Variants in COL8A2 observed in about 807,000 individuals in gnomAD.
The protein encoded by COL8A2 is collagen alpha-2(VIII) chain.
COL8A2 carries 16 observed loss-of-function variants against 24.0 expected under a neutral mutation model. The ratio of observed to expected loss-of-function variants is 0.67; its 90% CI spans 0.45 to 1.01. The LOEUF is 1.01. COL8A2 is among the 50% of genes least tolerant of loss of function. The pLI, the probability that COL8A2 is intolerant of heterozygous loss-of-function variation, is 0.00. For missense variants in COL8A2, 818 were observed against 942.4 expected, an observed-to-expected ratio of 0.87 and a Z score of 1.73; for synonymous variants, 466 against 424.5, an observed-to-expected ratio of 1.10 and a Z score of -1.20.
chr1:36,097,548 C>T lies in COL8A2; in HGVS notation c.*21G>A. 6.4e-7 allele frequency: 1 copy of T among 1,567,242 alleles called. No individual in the cohort carries two copies. Among genetic ancestry groups the T allele is most frequent in the South Asian group, 1.1e-5 (1 of 88,500 alleles). Reference sequence around the variant, plus strand: ...ACCACTAAAGGGGAGGAGGCCAGGGCAGCAGGACCCCCCCCGCGGGTTATG... The same window carrying T: ...ACCACTAAAGGGGAGGAGGCCAGGGTAGCAGGACCCCCCCCGCGGGTTATG... On this transcript the variant is annotated 3_prime_UTR_variant, in exon 4 of 4. Coordinates refer to ENST00000397799, the MANE Select transcript of COL8A2 (RefSeq NM_005202.4).
chr1:36,098,567 G>A lies in COL8A2; in HGVS notation c.1114C>T (p.Arg372Cys), dbSNP rs780318859. ...LPGSAGLPGR[R>C]GPPGPKGEAG... Reference sequence around the variant, plus strand: ...TCACCCTTAGGCCCAGGGGGCCCACGTCTGCCAGGAAGCCCTGCAGACCCA... The same window carrying A: ...TCACCCTTAGGCCCAGGGGGCCCACATCTGCCAGGAAGCCCTGCAGACCCA... Residue 372 changes from arginine to cysteine, a missense_variant, in exon 4 of 4, where the codon CGT (arginine) becomes TGT (cysteine). Arg to Cys is a radical substitution (Grantham distance 180). Around this residue, in one of 3 missense-constraint regions of COL8A2, gnomAD observed 573 missense variants for 616.8 expected, o/e 0.93. Transcript: ENST00000397799. 3.7e-5 allele frequency: 60 copies of A among 1,606,716 alleles called. No individual in the cohort carries two copies. Among genetic ancestry groups the A allele is most frequent in the East Asian group, 4.5e-5 (2 of 44,418 alleles).
At position 36,115,348 on chromosome 1, in the gene COL8A2, C is replaced by T. The variant is rs1033691715; in HGVS notation, c.-17+360G>A. The stretch of plus-strand genomic sequence containing the variant: ...GCCTGCCAAGATTCCTGGGCCTCTG[C>T]GGCTACCCTGCGTGGTGGCGGCAGC... On this transcript the variant is annotated intron_variant, in intron 2 of 3. Transcript: ENST00000397799. The surrounding 1 kb of genome is among the most constrained non-coding windows in gnomAD (Gnocchi z 5.7). 6.6e-6 allele frequency among the ~76,000 whole-genome samples: 1 copy of T among 152,158 alleles called. No individual in the cohort carries two copies.
At chr1:36,109,926 T>G (rs2124094547) in intron 2 of COL8A2, among the ~76,000 whole-genome samples, 1 of 103,566 alleles carries the variant, frequency 9.7e-6, no homozygotes, top group East Asian at 3.3e-4. Context: ...ATTCCTTTAC[T>G]TCCTTTTTTT....
At chr1:36,109,016 C>T (rs434119) in intron 2 of COL8A2, among the ~76,000 whole-genome samples, 2 of 152,248 alleles carry the variant, frequency 1.3e-5, no homozygotes, top group African/African-American at 2.4e-5. Context: ...CAGGCACCCG[C>T]TAGGTTCCCA....
In COL8A2 at chr1:36,110,592, C is replaced by T. The variant is rs555433294; in HGVS notation, c.-17+5116G>A. On this transcript the variant is annotated intron_variant, in intron 2 of 3. Coordinates refer to ENST00000397799, the MANE Select transcript of COL8A2 (RefSeq NM_005202.4). ...GGAGCCTCCACCTCCTGAGTGTAAG[C>T]ATTTCTCCTGCATCAGCCTCCCGTG... Among the ~76,000 whole-genome samples, 5 of 152,238 alleles carry T rather than the reference C, an allele frequency of 3.3e-5. No individual in the cohort carries two copies. The South Asian group carries it at 8.3e-4, about 25-fold the overall frequency.
intron 2 of COL8A2, among the ~76,000 whole-genome samples, chr1:36,111,507 C>G (rs1643839759): frequency 6.6e-6 from 1 of 152,038 alleles, no homozygotes; most frequent in Non-Finnish European, 1.5e-5. Context: ...ACTCCATCAC[C>G]GAGGACTCCC....
chr1:36,098,305 C>G lies in COL8A2; in HGVS notation c.1376G>C (p.Arg459Thr). 1.3e-6 allele frequency: 2 copies of G among 1,547,826 alleles called. No individual in the cohort carries two copies. Among genetic ancestry groups the G allele is most frequent in the Non-Finnish European group, 1.7e-6 (2 of 1,146,336 alleles). ...DLGLPGQPGL[R>T]GPSGIPGLQG... is the part of the protein sequence containing the mutation. The stretch of plus-strand genomic sequence containing the variant: ...GAGTCCTGGGATTCCTGAGGGACCC[C>G]TCAGGCCAGGCTGCCCAGGGAGCCC... The change falls in exon 4 of 4, where the codon AGG (arginine) becomes ACG (threonine). Residue 459 changes from arginine (R) to threonine (T), a missense_variant. Arg to Thr is a moderately conservative substitution (Grantham distance 71). This residue lies in a region of COL8A2 where 573 missense variants were observed against 616.8 expected (regional missense o/e 0.93). Transcript: ENST00000397799.
intron 2 of COL8A2, among the ~76,000 whole-genome samples, chr1:36,107,563 G>C (rs1338983467): frequency 6.6e-6 from 1 of 152,204 alleles, no homozygotes; most frequent in Non-Finnish European, 1.5e-5. Flanking sequence ...CTGGCTCTCA[G>C]AGCTGGAACC....
chr1:36,111,184 A>G (rs1175253236), intron 2 of COL8A2, among the ~76,000 whole-genome samples: 1 of 151,314 alleles, frequency 6.6e-6, no homozygotes, highest in Non-Finnish European at 1.5e-5. Context: ...CTCCATCCAT[A>G]TGTCCACACG....
chr1:36,099,266 G>A lies in COL8A2; in HGVS notation c.415C>T (p.Gln139Ter), dbSNP rs1234249090. The A allele has an allele frequency of 1.3e-6, 2 of 1,551,362 alleles. No individual in the cohort carries two copies. Among genetic ancestry groups the A allele is most frequent in the Admixed American group, 2.0e-5 (1 of 51,172 alleles). Reference protein sequence around the residue: ...GLPGKVGPPGQPGLRGEPGIR... With the variant: ...GLPGKVGPPG The stretch of plus-strand genomic sequence containing the variant: ...CCTGGCTCCCCCCGAAGCCCCGGCT[G>A]CCCTGGTGGCCCGACCTTGCCAGGG... The change falls in exon 4 of 4, where the codon CAG (glutamine) becomes TAG (stop). Residue 139 changes from glutamine to a stop codon, truncating the protein, a stop_gained. Transcript: ENST00000397799. LOFTEE classifies it low-confidence loss of function (END_TRUNC).
intron 2 of COL8A2, among the ~76,000 whole-genome samples, chr1:36,100,887 CTTTTTTTTTTTTTTTT>C (rs139330748): frequency 3.1e-3 from 155 of 50,180 alleles, no homozygotes; most frequent in African/African-American, 0.01. Context: ...GCATTCAAGG[CTTTTTTTTTTTTTTTT>C]TTTTTTTTTT....
rs1643876234 is a variant in COL8A2, at chr1:36,115,784, T to TG, written c.-61-33dup. The TG allele has an allele frequency of 1.0e-6, 1 of 982,700 alleles. No homozygotes were observed. The highest frequency in any genetic ancestry group is 1.2e-6 in the Non-Finnish European group (1 of 827,708). The allele number at this position is 982,700 out of a possible 1,614,324, so 60.9% of individuals were successfully genotyped here. A position where few individuals can be genotyped will look rare whatever the true frequency, so the allele number is the denominator to read the frequency against. ...ATGAACAAGAGAAACAGTGAGGCTATGGGGCAGTGGCTCAAGCTTGTAATC... is the reference window on the plus strand; with the variant it reads ...ATGAACAAGAGAAACAGTGAGGCTATGGGGGCAGTGGCTCAAGCTTGTAATC... On this transcript the variant is annotated intron_variant, in intron 1 of 3. Transcript: ENST00000397799. This position sits in a 1 kb window ranked among gnomAD's most constrained non-coding sequence, Gnocchi z 5.7.
chr1:36,111,147 G>A (rs1199484743), intron 2 of COL8A2, among the ~76,000 whole-genome samples: 3 of 151,994 alleles, frequency 2.0e-5, no homozygotes, highest in Admixed American at 6.6e-5. Flanking sequence ...GTCTGCCATT[G>A]CTGCCCTTGC....
At chr1:36,109,412 T>C (rs1454959717) in intron 2 of COL8A2, among the ~76,000 whole-genome samples, 1 of 152,112 alleles carries the variant, frequency 6.6e-6, no homozygotes, top group Non-Finnish European at 1.5e-5. Flanking sequence ...GACCCATCCC[T>C]GAGACCTCTA....
intron 2 of COL8A2, 134 bp from the exon 3 acceptor site, chr1:36,100,392 T>G: frequency 1.2e-6 from 1 of 869,290 alleles, no homozygotes; most frequent in Admixed American, 2.3e-5. Context: ...AATTCCGAAT[T>G]TAGATATTAT....
chr1:36,095,905 G>A lies in COL8A2; in HGVS notation c.*1664C>T, dbSNP rs983937414. The A allele has an allele frequency of 4.6e-5, 7 of 152,202 alleles. 1 individual carries two copies. In the East Asian group the frequency reaches 9.6e-4, roughly 21 times the overall value. 9.4% of individuals were successfully genotyped at this position (152,202 alleles called of 1,614,324 possible). On this transcript the variant is annotated 3_prime_UTR_variant, in exon 4 of 4. Transcript: ENST00000397799. ...TCAAGTGTCACTTGGGCAGATTTGG[G>A]TTATCATTCCTCCTTTTGAAGAAGT...
At chr1:36,105,456 G>A (rs1643743865) in intron 2 of COL8A2, among the ~76,000 whole-genome samples, 1 of 152,224 alleles carries the variant, frequency 6.6e-6, no homozygotes, top group South Asian at 2.1e-4. Context: ...AGTGTCAGCT[G>A]AGGCCTCGCC....
intron 2 of COL8A2, among the ~76,000 whole-genome samples, chr1:36,102,653 C>G (rs572768224): frequency 2.9e-5 from 4 of 137,994 alleles, no homozygotes; most frequent in Admixed American, 2.3e-4. Flanking sequence ...TGAATTATAT[C>G]TATAAAGCTG....
rs567102183 is a variant in COL8A2, at chr1:36,123,727, A to G, written c.-62+1330T>C. ...TAATGAATGTTTGGGTCGGTGTGTG[A>G]CTGTGCATGGCTCTCAGAAGGGTGC... On this transcript the variant is annotated intron_variant, in intron 1 of 3. Transcript: ENST00000397799. This position sits in a 1 kb window ranked among gnomAD's most constrained non-coding sequence, Gnocchi z 4.1. Among the ~76,000 whole-genome samples, 27 of 152,172 alleles carry G rather than the reference A, an allele frequency of 1.8e-4. No homozygotes were observed. The highest frequency in any genetic ancestry group is 6.5e-4 in the African/African-American group (27 of 41,512).
Sources: allele counts gnomAD v4.1 joint callset (sites outside exome capture counted in the v4.1 genomes callset), GRCh38; gene constraint gnomAD v4.1.1; regional missense constraint gnomAD v4.1.1; non-coding constraint Gnocchi (gnomAD v3.1); transcripts MANE v1.5; gene names NCBI Gene and HGNC (gene_info 2026-07-23, HGNC 2026-07-21).